The following STAG1 variants were observed in gnomAD, a reference collection of about 807,000 sequenced individuals.
The protein encoded by STAG1 is cohesin subunit SA-1.
A neutral mutation model predicts 170.9 loss-of-function variants in STAG1; 26 were observed. The observed-to-expected ratio is 0.15, with a 90% CI of 0.11 to 0.21. The LOEUF (loss-of-function observed/expected upper bound fraction) is 0.21. Among genes scored for constraint, STAG1 ranks in the 10% least tolerant of loss-of-function variants. The pLI is 1.00. For missense variants in STAG1, 964 were observed against 1,509.5 expected, an observed-to-expected ratio of 0.64 and a Z score of 5.99; for synonymous variants, 514 against 497.7, an observed-to-expected ratio of 1.03 and a Z score of -0.44.
chr3:136,386,145 G>A (rs1310152082), intron 22 of STAG1, among the ~76,000 whole-genome samples: 1 of 152,094 alleles, frequency 6.6e-6, no homozygotes, highest in Non-Finnish European at 1.5e-5. Flanking sequence ...AGACCAGCCT[G>A]GACAATATGG....
intron 6 of STAG1, among the ~76,000 whole-genome samples, chr3:136,526,348 T>C (rs932284342): frequency 6.6e-6 from 1 of 152,162 alleles, no homozygotes; most frequent in African/African-American, 2.4e-5. Flanking sequence ...ACCATTATGT[T>C]ATGGCCTTCT....
At chr3:136,532,819 T>C (rs1935443558) in intron 6 of STAG1, among the ~76,000 whole-genome samples, 1 of 152,182 alleles carries the variant, frequency 6.6e-6, no homozygotes, top group African/African-American at 2.4e-5. Context: ...TCATACTGAA[T>C]GGGGAAAAGT....
In STAG1 at chr3:136,752,254, G is replaced by A. The variant is rs980750545; in HGVS notation, c.-143C>T. ...CCTAGTTTCCCCCCAAAAGTCTCCG[G>A]TGTGTTATTCCCGATGTGGGGGGGT... is the stretch of plus-strand genomic sequence containing the variant. On this transcript the variant is annotated 5_prime_UTR_variant, in exon 1 of 34. Transcript: ENST00000383202. 6.5e-6 allele frequency: 1 copy of A among 152,918 alleles called. No individual in the cohort carries two copies. Among genetic ancestry groups the A allele is most frequent in the Non-Finnish European group, 1.5e-5 (1 of 68,086 alleles). 9.5% of individuals were successfully genotyped at this position (152,918 alleles called of 1,614,324 possible).
intron 1 of STAG1, chr3:136,736,978 T>A: frequency 6.3e-7 from 1 of 1,596,430 alleles, no homozygotes; most frequent in Admixed American, 1.7e-5. Flanking sequence ...GTCAGCATCA[T>A]CTTGATTTTT....
At chr3:136,345,760 C>G (rs999379346) in intron 29 of STAG1, among the ~76,000 whole-genome samples, 1 of 152,102 alleles carries the variant, frequency 6.6e-6, no homozygotes, top group Non-Finnish European at 1.5e-5. Context: ...CTTTTGCCAT[C>G]GAGCATCCTG....
intron 21 of STAG1, among the ~76,000 whole-genome samples, chr3:136,411,459 A>G (rs2087620589): frequency 6.6e-6 from 1 of 152,226 alleles, no homozygotes. Context: ...ACTTTATTCT[A>G]CAAAAGTGGG....
chr3:136,433,762 CTTATT>C (rs2107747574), intron 15 of STAG1, 103 bp from the exon 16 acceptor site: 9 of 782,004 alleles, frequency 1.2e-5, no homozygotes, highest in Middle Eastern at 2.4e-4. Context: ...TCTATTACTG[CTTATT>C]TTAAAGACTA....
chr3:136,604,838 C>T (rs1180028976), intron 3 of STAG1, among the ~76,000 whole-genome samples: 2 of 152,164 alleles, frequency 1.3e-5, no homozygotes, highest in Non-Finnish European at 2.9e-5. Context: ...TCAATAGAGA[C>T]GGAGTTTCAC....
At chr3:136,668,212 G>A (rs1941858832) in intron 1 of STAG1, among the ~76,000 whole-genome samples, 1 of 150,294 alleles carries the variant, frequency 6.7e-6, no homozygotes, top group Non-Finnish European at 1.5e-5. Context: ...TCTAGCCGAG[G>A]CAACAGAGTG....
chr3:136,525,789 T>G (rs1376640833), intron 6 of STAG1, among the ~76,000 whole-genome samples: 3 of 152,236 alleles, frequency 2.0e-5, no homozygotes, highest in African/African-American at 4.8e-5. Flanking sequence ...GATTCTGGTA[T>G]GTTGTGCCTT....
At chr3:136,383,277 C>T (rs1271199521) in intron 22 of STAG1, among the ~76,000 whole-genome samples, 2 of 151,750 alleles carry the variant, frequency 1.3e-5, no homozygotes, top group Non-Finnish European at 2.9e-5. Context: ...AGATAATATT[C>T]AAGAGAAAAA....
chr3:136,572,994 A>G (rs997229530), intron 4 of STAG1, among the ~76,000 whole-genome samples: 3 of 152,144 alleles, frequency 2.0e-5, no homozygotes, highest in African/African-American at 7.2e-5. Context: ...TAGGCAACAC[A>G]GTGATACCCT....
chr3:136,422,642 A>C (rs1213107561), intron 18 of STAG1, 29 bp from the exon 19 acceptor site: 3 of 1,588,820 alleles, frequency 1.9e-6, no homozygotes, highest in Admixed American at 3.7e-5. Context: ...AAAAACTGTA[A>C]TATTTAGGTT....
At chr3:136,495,694 C>T (rs902698753) in intron 9 of STAG1, among the ~76,000 whole-genome samples, 3 of 151,958 alleles carry the variant, frequency 2.0e-5, no homozygotes, top group Admixed American at 1.3e-4. Context: ...TAGGGCCGGG[C>T]ACGGTGGCTC....
At chr3:136,478,047 C>T (rs907615635) in intron 9 of STAG1, among the ~76,000 whole-genome samples, 2 of 152,168 alleles carry the variant, frequency 1.3e-5, no homozygotes, top group Non-Finnish European at 2.9e-5. Context: ...ACCTCGGCCT[C>T]CCAAAGTGCT....
At chr3:136,519,539 T>C (rs1934561783) in intron 7 of STAG1, among the ~76,000 whole-genome samples, 1 of 152,076 alleles carries the variant, frequency 6.6e-6, no homozygotes, top group Admixed American at 6.5e-5. Flanking sequence ...TTCAAGGTTT[T>C]TTTTTCCAAA....
intron 1 of STAG1, among the ~76,000 whole-genome samples, chr3:136,741,374 A>G (rs1934662976): frequency 6.6e-6 from 1 of 152,372 alleles, no homozygotes; most frequent in South Asian, 2.1e-4. Flanking sequence ...GCCTATAAAT[A>G]GGGTAAAACT....
At chr3:136,644,016 A>T (rs538531887) in intron 1 of STAG1, among the ~76,000 whole-genome samples, 1 of 152,166 alleles carries the variant, frequency 6.6e-6, no homozygotes, top group Non-Finnish European at 1.5e-5. Context: ...ATTTTGGCTA[A>T]ATTTGTACAG....
At chr3:136,526,009 C>T (rs1402280649) in intron 6 of STAG1, among the ~76,000 whole-genome samples, 1 of 152,182 alleles carries the variant, frequency 6.6e-6, no homozygotes, top group African/African-American at 2.4e-5. Context: ...GAGTGCTTTA[C>T]TTCCAACTAT....
Sources: gnomAD v4.1 joint callset for allele counts (sites outside exome capture counted in the v4.1 genomes callset) on GRCh38, gnomAD v4.1.1 for gene constraint, MANE v1.5 for transcripts, NCBI Gene and HGNC (gene_info 2026-07-23, HGNC 2026-07-21) for gene names.